The following PCDHGA11 variants were observed in gnomAD, a reference collection of about 807,000 sequenced individuals.
The protein encoded by PCDHGA11 is protocadherin gamma subfamily A, 11, also known as protocadherin gamma-A11.
PCDHGA11 carries 39 observed loss-of-function variants against 60.4 expected under a neutral mutation model. That is an observed-to-expected ratio of 0.65 (90% CI 0.50 to 0.84). The LOEUF (loss-of-function observed/expected upper bound fraction) is 0.84. Among genes scored for constraint, PCDHGA11 ranks in the 40% least tolerant of loss-of-function variants. The pLI is 0.00. For missense variants in PCDHGA11, 1,165 were observed against 1,197.7 expected, an observed-to-expected ratio of 0.97 and a Z score of 0.40; for synonymous variants, 533 against 510.3, an observed-to-expected ratio of 1.04 and a Z score of -0.60.
chr5:141,428,459 A>C, intron 1 of PCDHGA11: 2 of 350,154 alleles, frequency 5.7e-6, no homozygotes, highest in Non-Finnish European at 5.5e-6. Context: ...CCCAACTACA[A>C]TGAGGGAACT....
At chr5:141,426,448 C>T (rs1289310586) in intron 1 of PCDHGA11, 4 of 307,946 alleles carry the variant, frequency 1.3e-5, no homozygotes, top group Middle Eastern at 1.2e-3. Context: ...GGAGGACATG[C>T]GGCTGCATGT....
intron 1 of PCDHGA11, chr5:141,478,400 C>A (rs1295855090): frequency 6.2e-7 from 1 of 1,613,550 alleles, no homozygotes; most frequent in East Asian, 2.2e-5. Context: ...TCAGGTGTAT[C>A]TCACCACGGA....
rs751024373 is a variant in PCDHGA11, at chr5:141,491,801, G to T, written c.2434-3006G>T. 1 of 1,500,844 alleles carries T rather than the reference G, an allele frequency of 6.7e-7. No homozygotes were observed. Among genetic ancestry groups the T allele is most frequent in the Non-Finnish European group, 8.9e-7 (1 of 1,125,292 alleles). 93.0% of individuals were successfully genotyped at this position (1,500,844 alleles called of 1,614,324 possible). ...AACTTGCATCCACTCCTCTCCGGCCGGCTTGGTCGCTGGCTGCGCTCCACC... is the reference window on the plus strand; with the variant it reads ...AACTTGCATCCACTCCTCTCCGGCCTGCTTGGTCGCTGGCTGCGCTCCACC... On this transcript the variant is annotated intron_variant, in intron 1 of 3. Transcript: ENST00000398587. This position sits in a 1 kb window ranked among gnomAD's most constrained non-coding sequence, Gnocchi z 6.9.
At chr5:141,495,896 CTCTG>C (rs1175207502) in intron 2 of PCDHGA11, among the ~76,000 whole-genome samples, 2 of 152,108 alleles carry the variant, frequency 1.3e-5, no homozygotes, top group Non-Finnish European at 2.9e-5. Flanking sequence ...CTCTCTTTGT[CTCTG>C]TCTCTGTATA....
chr5:141,480,074 A>G (rs976924380), intron 1 of PCDHGA11, among the ~76,000 whole-genome samples: 5 of 152,196 alleles, frequency 3.3e-5, no homozygotes, highest in Non-Finnish European at 7.3e-5. Flanking sequence ...TATAAGATTC[A>G]TGCATGATAT....
chr5:141,486,688 C>G lies in PCDHGA11; in HGVS notation c.2434-8119C>G, dbSNP rs748605515. On this transcript the variant is annotated intron_variant, in intron 1 of 3. Coordinates refer to ENST00000398587, the MANE Select transcript of PCDHGA11 (RefSeq NM_018914.3). This position sits in a 1 kb window ranked among gnomAD's most constrained non-coding sequence, Gnocchi z 5.0. ...CCAGGAATCGAGATGTATCAGCTTCCTCTTTCATCTCTCTGAACCCCCAGA... is the reference window on the plus strand; with the variant it reads ...CCAGGAATCGAGATGTATCAGCTTCGTCTTTCATCTCTCTGAACCCCCAGA... The G allele has an allele frequency of 1.2e-6, 2 of 1,614,170 alleles. No homozygotes were observed. The highest frequency in any genetic ancestry group is 8.5e-7 in the Non-Finnish European group (1 of 1,180,044).
intron 1 of PCDHGA11, among the ~76,000 whole-genome samples, chr5:141,457,836 C>T (rs1418402508): frequency 6.6e-6 from 1 of 152,202 alleles, no homozygotes; most frequent in African/African-American, 2.4e-5. Context: ...GCTTCCAGAC[C>T]TGTTAGAAAG....
chr5:141,494,764 T>A (rs773955144), intron 1 of PCDHGA11, 43 bp from the exon 2 acceptor site: 1 of 1,613,932 alleles, frequency 6.2e-7, no homozygotes, highest in Non-Finnish European at 8.5e-7. Context: ...ACATTCTAAC[T>A]TCTCACGGGT....
At position 141,423,569 on chromosome 5, in the gene PCDHGA11, TC is replaced by T. The variant is rs2096755253; in HGVS notation, c.2343del (p.Ser782AlafsTer12). Reference sequence around the variant, plus strand: ...CAGCCCAACTATGGGGACACGCTCATCAGCCAGGAGAGCTGTGAGAAAAGCG... The same window carrying T: ...CAGCCCAACTATGGGGACACGCTCATAGCCAGGAGAGCTGTGAGAAAAGCG... ...FPQPNYGDTL[I>X]SQESCEKSEP... On this transcript the variant is annotated frameshift_variant, in exon 1 of 4. Coordinates refer to ENST00000398587, the MANE Select transcript of PCDHGA11 (RefSeq NM_018914.3). LOFTEE classifies it high-confidence loss of function. 1 of 1,613,362 alleles carries T rather than the reference TC, an allele frequency of 6.2e-7. No individual in the cohort carries two copies. Among genetic ancestry groups the T allele is most frequent in the Non-Finnish European group, 8.5e-7 (1 of 1,179,630 alleles).
In PCDHGA11 at chr5:141,477,825, C is replaced by A; in HGVS notation, c.2434-16982C>A. The A allele has an allele frequency of 2.5e-6, 4 of 1,614,174 alleles. No individual in the cohort carries two copies. The South Asian group carries it at 4.4e-5, about 18-fold the overall frequency. On this transcript the variant is annotated intron_variant, in intron 1 of 3. Transcript: ENST00000398587. This position sits in a 1 kb window ranked among gnomAD's most constrained non-coding sequence, Gnocchi z 4.9. ...GACAATGCCCCCCAGGTCCTATATC[C>A]TCGGCCAGGTGGGAGCTCGGTGGAG...
Position 141,485,738 on chromosome 5 carries a change from A to G in PCDHGA11, c.2434-9069A>G, listed in dbSNP as rs1443978038. Reference sequence around the variant, plus strand: ...GGATGTGAAGAAGCGCAGCGACGGCAGCCTGGTCCCAGAGCTGCTCCTGGA... The same window carrying G: ...GGATGTGAAGAAGCGCAGCGACGGCGGCCTGGTCCCAGAGCTGCTCCTGGA... On this transcript the variant is annotated intron_variant, in intron 1 of 3. Transcript: ENST00000398587. This position sits in a 1 kb window ranked among gnomAD's most constrained non-coding sequence, Gnocchi z 5.7. 1 of 1,614,230 alleles carries G rather than the reference A, an allele frequency of 6.2e-7. No individual in the cohort carries two copies.
chr5:141,464,184 G>T (rs1348739162), intron 1 of PCDHGA11, among the ~76,000 whole-genome samples: 1 of 150,316 alleles, frequency 6.7e-6, no homozygotes, highest in Non-Finnish European at 1.5e-5. Flanking sequence ...AGAATTGCTT[G>T]ATTTCAGGAG....
chr5:141,466,115 C>A (rs2099117208), intron 1 of PCDHGA11, among the ~76,000 whole-genome samples: 1 of 151,618 alleles, frequency 6.6e-6, no homozygotes, highest in African/African-American at 2.4e-5. Context: ...GAGTGAGACT[C>A]CAGCTCAAAA....
intron 1 of PCDHGA11, among the ~76,000 whole-genome samples, chr5:141,470,459 AT>A: frequency 6.6e-6 from 1 of 152,096 alleles, no homozygotes; most frequent in East Asian, 1.9e-4. Flanking sequence ...CTTGAATAGG[AT>A]TTTCTGATAT....
In PCDHGA11 at chr5:141,485,539, G is replaced by T; in HGVS notation, c.2434-9268G>T. 6.2e-7 allele frequency: 1 copy of T among 1,614,104 alleles called. No individual in the cohort carries two copies. Among genetic ancestry groups the T allele is most frequent in the Non-Finnish European group, 8.5e-7 (1 of 1,179,998 alleles). On this transcript the variant is annotated intron_variant, in intron 1 of 3. Coordinates refer to ENST00000398587, the MANE Select transcript of PCDHGA11 (RefSeq NM_018914.3). This position sits in a 1 kb window ranked among gnomAD's most constrained non-coding sequence, Gnocchi z 5.7. ...TGGAAATGTACCGAGCAGAGGTAGA[G>T]ATCGTAGATGTGAATGATCACGCCC...
At position 141,499,689 on chromosome 5, in the gene PCDHGA11, C is replaced by CTT. The variant is rs545067566; in HGVS notation, c.2492+4845_2492+4846dup. 4.8e-3 allele frequency among the ~76,000 whole-genome samples: 577 copies of CTT among 119,808 alleles called. 2 individuals carry two copies. Among genetic ancestry groups the CTT allele is most frequent in the Non-Finnish European group, 6.7e-3 (386 of 57,912 alleles). 78.6% of individuals were successfully genotyped at this position (119,808 alleles called of 152,430 possible). A position where few individuals can be genotyped will look rare whatever the true frequency, so the allele number is the denominator to read the frequency against. On this transcript the variant is annotated intron_variant, in intron 2 of 3. Coordinates refer to ENST00000398587, the MANE Select transcript of PCDHGA11 (RefSeq NM_018914.3). ...GGTCTCCACCATCTTTAACAGATGA[C>CTT]TTTTTTTTTTTTTTTTTTTTTTGGA...
chr5:141,448,118 G>A (rs1356488538), intron 1 of PCDHGA11, among the ~76,000 whole-genome samples: 1 of 151,534 alleles, frequency 6.6e-6, no homozygotes, highest in East Asian at 1.9e-4. Flanking sequence ...AAGAAAATTA[G>A]CCTCCCCCAC....
intron 1 of PCDHGA11, chr5:141,479,660 A>G (rs1206947602): frequency 6.6e-6 from 1 of 152,266 alleles, no homozygotes; most frequent in African/African-American, 2.4e-5. Flanking sequence ...ACAATCCCAG[A>G]AACTACAAAA....
intron 1 of PCDHGA11, chr5:141,428,269 C>T (rs1326212294): frequency 1.3e-6 from 1 of 777,738 alleles, no homozygotes; most frequent in Non-Finnish European, 2.2e-6. Flanking sequence ...CAGTCCTGTG[C>T]CCTCTGATTC....
Sources: gnomAD v4.1 joint callset for allele counts (sites outside exome capture counted in the v4.1 genomes callset) on GRCh38, gnomAD v4.1.1 for gene constraint, Gnocchi (gnomAD v3.1) non-coding constraint, MANE v1.5 for transcripts, NCBI Gene and HGNC (gene_info 2026-07-23, HGNC 2026-07-21) for gene names.